SAMD14: variants seen among roughly 807,000 people sequenced by gnomAD.
SAMD14 encodes the protein sterile alpha motif domain-containing protein 14.
SAMD14 carries 27 observed loss-of-function variants against 46.2 expected under a neutral mutation model. That is an observed-to-expected ratio of 0.58 (90% CI 0.43 to 0.81). SAMD14 has a LOEUF of 0.81. Among genes scored for constraint, SAMD14 ranks in the 30% least tolerant of loss-of-function variants. SAMD14 has a pLI of 0.00. For missense variants in SAMD14, 559 were observed against 582.2 expected (o/e 0.96, Z 0.41); for synonymous variants, 241 against 254.3 (o/e 0.95, Z 0.50).
At chr17:50,113,870 T>C (rs1911014133) in intron 9 of SAMD14, 54 bp downstream of exon 9, 1 of 1,607,406 alleles carries the variant, frequency 6.2e-7, no homozygotes, top group Non-Finnish European at 8.5e-7. Context: ...TTCAAATCCT[T>C]GAAAGTCACC....
At chr17:50,125,511 G>A (rs1365708649) in intron 1 of SAMD14, among the ~76,000 whole-genome samples, 2 of 152,006 alleles carry the variant, frequency 1.3e-5, no homozygotes, top group Admixed American at 6.6e-5. Flanking sequence ...ACCCACCTAT[G>A]CACTCATCCA....
At chr17:50,124,765 G>GCACGCGCC (rs202016696) in intron 2 of SAMD14, 152 bp downstream of exon 2, 2 of 620,346 alleles carry the variant, frequency 3.2e-6, no homozygotes, top group East Asian at 3.0e-5. Context: ...GCGTGCACGC[G>GCACGCGCC]CGCGCGCACA....
chr17:50,122,038 G>A (rs985895527), intron 2 of SAMD14, among the ~76,000 whole-genome samples: 4 of 152,244 alleles, frequency 2.6e-5, no homozygotes, highest in South Asian at 2.1e-4. Flanking sequence ...GATGGCGTCT[G>A]TGGGATCAAC....
At chr17:50,114,988 A>G (rs2144394410) in intron 7 of SAMD14, 1 of 155,072 alleles carries the variant, frequency 6.4e-6, no homozygotes, top group South Asian at 2.0e-4. Context: ...CATCTGTACA[A>G]TGGAGATGAG....
intron 2 of SAMD14, among the ~76,000 whole-genome samples, chr17:50,119,034 A>AG (rs1482618240): frequency 6.6e-6 from 1 of 152,210 alleles, no homozygotes; most frequent in Non-Finnish European, 1.5e-5. Context: ...TGCCACGCGC[A>AG]GGGTCTCACT....
rs1490466613 is a variant in SAMD14 at position 50,112,764 on chromosome 17, A to G, written c.*129T>C. The G allele has an allele frequency of 1.8e-6, 2 of 1,087,808 alleles. No individual in the cohort carries two copies. The highest frequency in any genetic ancestry group is 2.5e-5 in the East Asian group (1 of 40,098). The allele number at this position is 1,087,808 out of a possible 1,614,324, so 67.4% of individuals were successfully genotyped here. A position where few individuals can be genotyped will look rare whatever the true frequency, so the allele number is the denominator to read the frequency against. ...ACCAAGTGACAGGGTAAGAGAGAGC[A>G]TGTCCCCCCTGAGAGCGTGGGACCA... On this transcript the variant is annotated 3_prime_UTR_variant, in exon 10 of 10. Coordinates refer to ENST00000330175, the MANE Select transcript of SAMD14 (RefSeq NM_001257359.2).
chr17:50,114,837 AGCTTCTGATTTTC>A (rs1433713137), intron 7 of SAMD14: 1 of 164,060 alleles, frequency 6.1e-6, no homozygotes, highest in Non-Finnish European at 1.3e-5. Flanking sequence ...CAGAATTCCC[AGCTTCTGATTTTC>A]TCCTCTGCCC....
chr17:50,129,536 C>T lies in SAMD14; in HGVS notation c.-32G>A, dbSNP rs1911937662. 1 of 152,300 alleles carries T rather than the reference C, an allele frequency of 6.6e-6. No homozygotes were observed. 9.4% of individuals were successfully genotyped at this position (152,300 alleles called of 1,614,324 possible). On this transcript the variant is annotated 5_prime_UTR_variant, in exon 1 of 10. The change abolishes the stop of an existing upstream ORF in the 5' untranslated region. Coordinates refer to ENST00000330175, the MANE Select transcript of SAMD14 (RefSeq NM_001257359.2). This position sits in a 1 kb window ranked among gnomAD's most constrained non-coding sequence, Gnocchi z 5.6. ...CCTCACCTCCGGCATCGGTCATCTT[C>T]AGCGTCTGGCGCCCCGGGAACCCCT...
chr17:50,114,642 G>A (rs1322770502), intron 7 of SAMD14: 10 of 545,640 alleles, frequency 1.8e-5, no homozygotes, highest in East Asian at 9.8e-5. Flanking sequence ...TGCGCCTCCC[G>A]CCTGGCCTTA....
chr17:50,118,137 T>C, intron 3 of SAMD14, 24 bp downstream of exon 3: 1 of 1,564,424 alleles, frequency 6.4e-7, no homozygotes, highest in South Asian at 1.2e-5. Flanking sequence ...AGGGTGTATA[T>C]GTGTTTTCCT....
rs2144380945 is a variant in SAMD14, at chr17:50,110,417, C to T, written c.*2476G>A. On this transcript the variant is annotated 3_prime_UTR_variant, in exon 10 of 10. Coordinates refer to ENST00000330175, the MANE Select transcript of SAMD14 (RefSeq NM_001257359.2). ...TGAGACCAGGGCTGTCACTTTTCTG[C>T]CAGGGGTACTGGGTCCCCCTCAGCA... 8.9e-6 allele frequency: 2 copies of T among 224,172 alleles called. No individual in the cohort carries two copies. The highest frequency in any genetic ancestry group is 1.8e-5 in the Non-Finnish European group (2 of 113,590). 13.9% of individuals were successfully genotyped at this position (224,172 alleles called of 1,614,324 possible). A position where few individuals can be genotyped will look rare whatever the true frequency, so the allele number is the denominator to read the frequency against.
Position 50,115,639 on chromosome 17 carries a change from T to C in SAMD14, c.747A>G (p.Ala249=). Residue 249 remains alanine, a synonymous_variant, in exon 7 of 10, where the codon GCA becomes GCG. Transcript: ENST00000330175. This position sits in a 1 kb window ranked among gnomAD's most constrained non-coding sequence, Gnocchi z 5.3. ...TGGGGGAGGTGGTGCTACCCGAGGATGCTGAGCCCTTGCCGCTGTCCGTGA... is the reference window on the plus strand; with the variant it reads ...TGGGGGAGGTGGTGCTACCCGAGGACGCTGAGCCCTTGCCGCTGTCCGTGA... ...SWFTDSGKGS[A]SSGSTTSPTC... The C allele has an allele frequency of 6.2e-7, 1 of 1,607,588 alleles. No homozygotes were observed. The highest frequency in any genetic ancestry group is 8.5e-7 in the Non-Finnish European group (1 of 1,176,006).
chr17:50,112,702 T>A lies in SAMD14; in HGVS notation c.*191A>T. ...AAATAGGATTTATTACTAGGCCCTC[T>A]CCCTGGGGTCTCCCTTTCTGGGGTC... is the stretch of plus-strand genomic sequence containing the variant. On this transcript the variant is annotated 3_prime_UTR_variant, in exon 10 of 10. Transcript: ENST00000330175. 1 of 607,886 alleles carries A rather than the reference T, an allele frequency of 1.6e-6. No homozygotes were observed. Among genetic ancestry groups the A allele is most frequent in the South Asian group, 2.3e-5 (1 of 43,052 alleles). The allele number at this position is 607,886 out of a possible 1,614,324, so 37.7% of individuals were successfully genotyped here. A position where few individuals can be genotyped will look rare whatever the true frequency, so the allele number is the denominator to read the frequency against.
intron 2 of SAMD14, among the ~76,000 whole-genome samples, chr17:50,121,895 T>C (rs1284157956): frequency 6.6e-6 from 1 of 152,228 alleles, no homozygotes; most frequent in Non-Finnish European, 1.5e-5. Context: ...GTCAGCTTTC[T>C]CATGTGTAAA....
chr17:50,120,391 TCA>T (rs2144406309), intron 2 of SAMD14, among the ~76,000 whole-genome samples: 1 of 151,900 alleles, frequency 6.6e-6, no homozygotes, highest in East Asian at 1.9e-4. Flanking sequence ...GAGGGAGAAT[TCA>T]CAGTCTCTTA....
rs2144425742 is a variant in SAMD14 at position 50,129,426 on chromosome 17, A to T, written c.-13+91T>A. On this transcript the variant is annotated intron_variant, in intron 1 of 9. Coordinates refer to ENST00000330175, the MANE Select transcript of SAMD14 (RefSeq NM_001257359.2). This position sits in a 1 kb window ranked among gnomAD's most constrained non-coding sequence, Gnocchi z 5.6. ...AGGGGAAGAAAGGCCCTTGTCGCTT[A>T]GCCCTGCCCAACCCCACTCAGGGTC... 6.6e-6 allele frequency: 1 copy of T among 152,406 alleles called. No individual in the cohort carries two copies. Among genetic ancestry groups the T allele is most frequent in the Admixed American group, 6.5e-5 (1 of 15,306 alleles). The allele number at this position is 152,406 out of a possible 1,614,324, so 9.4% of individuals were successfully genotyped here. A position where few individuals can be genotyped will look rare whatever the true frequency, so the allele number is the denominator to read the frequency against.
rs762278998 is a variant in SAMD14 at position 50,117,701 on chromosome 17, C to T, written c.211-6G>A. The T allele has an allele frequency of 2.8e-6, 4 of 1,434,374 alleles. No homozygotes were observed. The highest frequency in any genetic ancestry group is 3.6e-6 in the Non-Finnish European group (4 of 1,099,316). 88.9% of individuals were successfully genotyped at this position (1,434,374 alleles called of 1,614,324 possible). A position where few individuals can be genotyped will look rare whatever the true frequency, so the allele number is the denominator to read the frequency against. ...CTCCCGCAGCCATCGGTCACCTGGA[C>T]GAGGGGGCAGCCGCTCACCGAGAAC... On this transcript the variant is annotated splice_region_variant and splice_polypyrimidine_tract_variant and intron_variant, in intron 3 of 9. Coordinates refer to ENST00000330175, the MANE Select transcript of SAMD14 (RefSeq NM_001257359.2).
intron 1 of SAMD14, 142 bp from the exon 2 acceptor site, chr17:50,125,113 C>A: frequency 1.4e-6 from 1 of 710,138 alleles, no homozygotes; most frequent in Non-Finnish European, 2.4e-6. Flanking sequence ...CTTCTGTCCC[C>A]TGGAAGAGAA....
chr17:50,118,050 G>A (rs1050027589), intron 3 of SAMD14, 111 bp downstream of exon 3: 2 of 1,193,026 alleles, frequency 1.7e-6, no homozygotes, highest in Non-Finnish European at 2.3e-6. Context: ...TACTAGGTCA[G>A]GAGTCTGGGG....
Sources: gnomAD v4.1 joint callset for allele counts (sites outside exome capture counted in the v4.1 genomes callset) on GRCh38, gnomAD v4.1.1 for gene constraint, Gnocchi (gnomAD v3.1) non-coding constraint, MANE v1.5 for transcripts, NCBI Gene and HGNC (gene_info 2026-07-23, HGNC 2026-07-21) for gene names.